The following ATP8A1 variants were observed in gnomAD, a reference collection of about 807,000 sequenced individuals.
The protein encoded by ATP8A1 is phospholipid-transporting ATPase IA.
ATP8A1 carries 90 observed loss-of-function variants against 177.7 expected under a neutral mutation model. The ratio of observed to expected loss-of-function variants is 0.51; its 90% CI spans 0.43 to 0.60. The LOEUF (loss-of-function observed/expected upper bound fraction) is 0.60. Among genes scored for constraint, ATP8A1 ranks in the 20% least tolerant of loss-of-function variants. The pLI is 0.00. For synonymous variants in ATP8A1, 493 were observed against 485.9 expected, an observed-to-expected ratio of 1.01 and a Z score of -0.19; for missense variants, 1,072 against 1,392.8, an observed-to-expected ratio of 0.77 and a Z score of 3.67.
At chr4:42,477,039 G>T (rs1362262322) in intron 25 of ATP8A1, among the ~76,000 whole-genome samples, 1 of 152,094 alleles carries the variant, frequency 6.6e-6, no homozygotes, top group East Asian at 1.9e-4. Flanking sequence ...TTGAATATTT[G>T]TGTGTATATT....
chr4:42,604,251 T>G (rs555218393), intron 5 of ATP8A1, among the ~76,000 whole-genome samples: 2 of 152,230 alleles, frequency 1.3e-5, no homozygotes, highest in African/African-American at 4.8e-5. Context: ...CAAATCTAAA[T>G]GAGCTCCGTG....
Position 42,446,408 on chromosome 4 carries a change from T to TA in ATP8A1, c.2958+174dup, listed in dbSNP as rs1717258956. Among the ~76,000 whole-genome samples the TA allele has an allele frequency of 2.0e-5, 3 of 152,266 alleles. No homozygotes were observed. The South Asian group carries it at 6.2e-4, about 32-fold the overall frequency. ...TCAGTTATTTTATTTCATTATTTGATAAAAATGAAATAAGACCCCATTATA... is the reference window on the plus strand; with the variant it reads ...TCAGTTATTTTATTTCATTATTTGATAAAAAATGAAATAAGACCCCATTATA... On this transcript the variant is annotated intron_variant, in intron 31 of 36. Coordinates refer to ENST00000381668, the MANE Select transcript of ATP8A1 (RefSeq NM_006095.2).
intron 1 of ATP8A1, among the ~76,000 whole-genome samples, chr4:42,630,996 A>G (rs1738672750): frequency 6.6e-6 from 1 of 152,214 alleles, no homozygotes; most frequent in South Asian, 2.1e-4. Flanking sequence ...AATACATGTA[A>G]TTTGTATTAC....
At chr4:42,440,951 G>A (rs751735567) in intron 33 of ATP8A1, among the ~76,000 whole-genome samples, 6 of 152,064 alleles carry the variant, frequency 3.9e-5, no homozygotes, top group Non-Finnish European at 5.9e-5. Flanking sequence ...AGGAATTGCT[G>A]CCAAATCAAC....
At chr4:42,639,206 A>G (rs796115547) in intron 1 of ATP8A1, among the ~76,000 whole-genome samples, 3 of 152,260 alleles carry the variant, frequency 2.0e-5, no homozygotes, top group African/African-American at 7.2e-5. Context: ...AAGTACTTGA[A>G]CAAGCACAAG....
chr4:42,608,349 C>T (rs6812617), intron 5 of ATP8A1, among the ~76,000 whole-genome samples: 114,161 of 149,986 alleles, frequency 0.76, 43,909 homozygotes, highest in Non-Finnish European at 0.82. Context: ...GTGCCCTCCC[C>T]GGGCAATAAT....
At chr4:42,553,955 G>A (rs1020798907) in intron 16 of ATP8A1, among the ~76,000 whole-genome samples, 1 of 152,090 alleles carries the variant, frequency 6.6e-6, no homozygotes, top group Admixed American at 6.6e-5. Context: ...AGGTCGTAAA[G>A]AAGGAAAAAA....
At chr4:42,583,480 A>C (rs1376851021) in intron 9 of ATP8A1, among the ~76,000 whole-genome samples, 1 of 152,180 alleles carries the variant, frequency 6.6e-6, no homozygotes, top group Non-Finnish European at 1.5e-5. Flanking sequence ...TTACCCAGCC[A>C]ATGGGGTATA....
At chr4:42,507,856 C>T (rs566725133) in intron 22 of ATP8A1, among the ~76,000 whole-genome samples, 2 of 129,616 alleles carry the variant, frequency 1.5e-5, no homozygotes, top group Admixed American at 8.7e-5. Flanking sequence ...TGCAATCTTG[C>T]TGACCTGTTT....
intron 24 of ATP8A1, among the ~76,000 whole-genome samples, chr4:42,502,048 T>C (rs917186254): frequency 6.6e-6 from 1 of 152,102 alleles, no homozygotes; most frequent in Admixed American, 6.6e-5. Flanking sequence ...TGATATACTT[T>C]TTTTTTTTCA....
chr4:42,461,085 T>C (rs1347957608), intron 27 of ATP8A1, among the ~76,000 whole-genome samples: 2 of 152,192 alleles, frequency 1.3e-5, no homozygotes, highest in Non-Finnish European at 1.5e-5. Flanking sequence ...TTAGTCCAAA[T>C]TGAGACGTGG....
intron 5 of ATP8A1, among the ~76,000 whole-genome samples, chr4:42,612,077 T>C (rs1736425582): frequency 6.6e-6 from 1 of 151,510 alleles, no homozygotes; most frequent in South Asian, 2.1e-4. Flanking sequence ...AAGGGTTAAA[T>C]GATAATATAA....
chr4:42,558,030 TCAAAAACAAAAACAAAAA>T (rs10700559), intron 15 of ATP8A1, among the ~76,000 whole-genome samples: 1 of 150,484 alleles, frequency 6.6e-6, no homozygotes, highest in Non-Finnish European at 1.5e-5. Flanking sequence ...AGACTACATC[TCAAAAACAAAAACAAAAA>T]CAAAAACAAA....
At chr4:42,434,582 T>C (rs1335591113) in intron 33 of ATP8A1, among the ~76,000 whole-genome samples, 1 of 152,230 alleles carries the variant, frequency 6.6e-6, no homozygotes, top group East Asian at 1.9e-4. Context: ...CCTTTCTCTA[T>C]CTTCTTTAGA....
In ATP8A1 at chr4:42,477,697, C is replaced by T. The variant is rs115465932; in HGVS notation, c.2324+7799G>A. The stretch of plus-strand genomic sequence containing the variant: ...ATAAGAATAAACAAACTTGGCTAGG[C>T]GCAGTGGCTCACGCCTGTAATCACT... On this transcript the variant is annotated intron_variant, in intron 25 of 36. Transcript: ENST00000381668. 9.5e-3 allele frequency among the ~76,000 whole-genome samples: 1,428 copies of T among 150,918 alleles called. 12 individuals are homozygous for T. The highest frequency in any genetic ancestry group is 0.016 in the Non-Finnish European group (1,087 of 67,884).
At chr4:42,497,495 C>G (rs1723403772) in intron 24 of ATP8A1, among the ~76,000 whole-genome samples, 1 of 152,160 alleles carries the variant, frequency 6.6e-6, no homozygotes, top group Non-Finnish European at 1.5e-5. Flanking sequence ...TCTCAGGGAG[C>G]TCTTGGAAGA....
At chr4:42,460,997 C>G (rs1368468439) in intron 27 of ATP8A1, among the ~76,000 whole-genome samples, 2 of 152,146 alleles carry the variant, frequency 1.3e-5, no homozygotes, top group Non-Finnish European at 2.9e-5. Flanking sequence ...CCATTCAGTT[C>G]ACTTATTTAT....
At chr4:42,510,721 A>G (rs1429001182) in intron 22 of ATP8A1, among the ~76,000 whole-genome samples, 1 of 152,198 alleles carries the variant, frequency 6.6e-6, no homozygotes, top group Non-Finnish European at 1.5e-5. Flanking sequence ...AAGGGGAAAA[A>G]TGAGCTCAGA....
intron 20 of ATP8A1, among the ~76,000 whole-genome samples, chr4:42,529,623 A>C (rs980520855): frequency 2.0e-5 from 3 of 152,180 alleles, no homozygotes; most frequent in African/African-American, 7.2e-5. Context: ...GCCTGCACCG[A>C]TGGCCTCATG....
Sources: allele counts gnomAD v4.1 joint callset (sites outside exome capture counted in the v4.1 genomes callset), GRCh38; gene constraint gnomAD v4.1.1; transcripts MANE v1.5; gene names NCBI Gene and HGNC (gene_info 2026-07-23, HGNC 2026-07-21).